Variants in COLEC10 observed in about 807,000 individuals in gnomAD.
COLEC10 encodes collectin subfamily member 10, also known as collectin-10.
A neutral mutation model predicts 28.4 loss-of-function variants in COLEC10; 22 were observed. The ratio of observed to expected loss-of-function variants is 0.78; its 90% CI spans 0.55 to 1.11. The LOEUF is 1.11. Ranked by LOEUF, COLEC10 falls within the 50% of genes least tolerant of loss-of-function variation. The pLI, the probability that COLEC10 is intolerant of heterozygous loss-of-function variation, is 0.00. For missense variants in COLEC10, 361 were observed against 344.1 expected (o/e 1.05, Z -0.39); for synonymous variants, 125 against 116.1 (o/e 1.08, Z -0.49).
At chr8:118,973,906 T>G in the COLEC10 span, among the ~76,000 whole-genome samples, 2 of 151,976 alleles carry the variant, frequency 1.3e-5, no homozygotes, top group Non-Finnish European at 2.9e-5. Flanking sequence ...CATCTCAACT[T>G]AAATTACTCT....
At chr8:119,064,800 T>TG (rs1372733874), upstream of COLEC10, among the ~76,000 whole-genome samples, 1 of 144,342 alleles carries the variant, frequency 6.9e-6, no homozygotes, top group Non-Finnish European at 1.5e-5. Flanking sequence ...TTGTATTTGA[T>TG]TTTTTTTTTT....
the COLEC10 span, among the ~76,000 whole-genome samples, chr8:118,962,670 G>C: frequency 6.6e-6 from 1 of 152,120 alleles, no homozygotes; most frequent in Non-Finnish European, 1.5e-5. Context: ...TGAATTTATA[G>C]TATTGTTAAT....
chr8:118,966,831 G>A, the COLEC10 span, among the ~76,000 whole-genome samples: 3 of 152,000 alleles, frequency 2.0e-5, no homozygotes, highest in Admixed American at 1.3e-4. Flanking sequence ...AAAAGGGGCC[G>A]CAAAGGATCA....
Position 119,107,401 on chromosome 8 carries a change from A to G in COLEC10, c.*1210A>G, listed in dbSNP as rs1815969358. Among the ~76,000 whole-genome samples the G allele has an allele frequency of 6.6e-6, 1 of 152,176 alleles. No individual in the cohort carries two copies. The highest frequency in any genetic ancestry group is 6.5e-5 in the Admixed American group (1 of 15,274). On this transcript the variant is annotated 3_prime_UTR_variant, in exon 6 of 6. Coordinates refer to ENST00000332843, the MANE Select transcript of COLEC10 (RefSeq NM_006438.5). ...AAACCTCAAAGCAGCTTTCACTTGG[A>G]ATTTAAAAATAAACAGTTCAAAGAT...
chr8:119,071,489 G>A (rs544888070), intron 1 of COLEC10, among the ~76,000 whole-genome samples: 206 of 152,172 alleles, frequency 1.4e-3, no homozygotes, highest in South Asian at 4.8e-3. Flanking sequence ...CCTCTGCCTG[G>A]CCCACACTTA....
chr8:118,992,999 T>G (rs1813528396), upstream of COLEC10, among the ~76,000 whole-genome samples: 1 of 152,188 alleles, frequency 6.6e-6, no homozygotes, highest in South Asian at 2.1e-4. Context: ...TACAATGGAA[T>G]GGGCCATAAT....
At chr8:119,061,795 A>G (rs1814861155) in intron 2 of COLEC10, among the ~76,000 whole-genome samples, 1 of 152,146 alleles carries the variant, frequency 6.6e-6, no homozygotes, top group Non-Finnish European at 1.5e-5. Context: ...TTGTGTAATA[A>G]TAATACCAAT....
chr8:118,984,030 T>C, the COLEC10 span, among the ~76,000 whole-genome samples: 4 of 147,916 alleles, frequency 2.7e-5, no homozygotes, highest in East Asian at 1.9e-4. Flanking sequence ...AAGACATGCA[T>C]AATGTATTAA....
At chr8:118,990,204 T>A in the COLEC10 span, among the ~76,000 whole-genome samples, 1 of 152,126 alleles carries the variant, frequency 6.6e-6, no homozygotes, top group African/African-American at 2.4e-5. Context: ...GTCACTGAGC[T>A]CAAAATATTT....
At position 119,092,252 on chromosome 8, in the gene COLEC10, G is replaced by C. The variant is rs544550524; in HGVS notation, c.292+1032G>C. 3.3e-5 allele frequency among the ~76,000 whole-genome samples: 5 copies of C among 151,960 alleles called. No individual in the cohort carries two copies. In the East Asian group the frequency reaches 9.7e-4, roughly 29 times the overall value. ...GCCCAGCTGATTTTTTGTATTTTTA[G>C]TAGAGACAGGGGTTTCTCTGTGCTA... is the stretch of plus-strand genomic sequence containing the variant. On this transcript the variant is annotated intron_variant, in intron 3 of 5. Coordinates refer to ENST00000332843, the MANE Select transcript of COLEC10 (RefSeq NM_006438.5).
chr8:119,045,277 T>A (rs976471338), intron 2 of COLEC10, among the ~76,000 whole-genome samples: 1 of 152,230 alleles, frequency 6.6e-6, no homozygotes, highest in African/African-American at 2.4e-5. Flanking sequence ...ATGTCACTTA[T>A]ATGTCTCATG....
chr8:119,103,567 A>G (rs933310743), intron 4 of COLEC10, among the ~76,000 whole-genome samples: 2 of 152,186 alleles, frequency 1.3e-5, no homozygotes, highest in Non-Finnish European at 2.9e-5. Context: ...TTAATAATCT[A>G]GTTTAGAATT....
the COLEC10 span, among the ~76,000 whole-genome samples, chr8:118,955,471 TTCAC>T: frequency 6.6e-6 from 1 of 152,214 alleles, no homozygotes; most frequent in African/African-American, 2.4e-5. Flanking sequence ...CTACTTATGG[TTCAC>T]TACTCACCTA....
intron 2 of COLEC10, among the ~76,000 whole-genome samples, chr8:119,056,034 G>A (rs989438815): frequency 2.4e-4 from 37 of 152,004 alleles, no homozygotes; most frequent in Non-Finnish European, 5.3e-4. Flanking sequence ...TGCATTCTTT[G>A]TTTCAGTAAA....
At chr8:119,039,911 T>C (rs541255330) in intron 2 of COLEC10, among the ~76,000 whole-genome samples, 1 of 152,152 alleles carries the variant, frequency 6.6e-6, no homozygotes, top group Non-Finnish European at 1.5e-5. Context: ...GGGAAGTAGA[T>C]TCAAGTTGCT....
At chr8:119,072,261 T>C (rs1815138851) in intron 1 of COLEC10, among the ~76,000 whole-genome samples, 1 of 152,118 alleles carries the variant, frequency 6.6e-6, no homozygotes, top group South Asian at 2.1e-4. Context: ...GCAAGATTGC[T>C]AGCACACATT....
rs762415988 is a variant in COLEC10, at chr8:119,105,987, C to T, written c.630C>T (p.Gly210=). The change falls in exon 6 of 6, where the codon GGC becomes GGT. Residue 210 remains glycine, a synonymous_variant. Coordinates refer to ENST00000332843, the MANE Select transcript of COLEC10 (RefSeq NM_006438.5). The stretch of plus-strand genomic sequence containing the variant: ...GTGGCTTCTTTCGGGTGTTCATTGG[C>T]GTGAATGACCTTGAAAGGGAGGGAC... ...AKSGFFRVFI[G]VNDLEREGQY... is the part of the protein sequence containing the mutation. 1.2e-5 allele frequency: 20 copies of T among 1,613,596 alleles called. No individual in the cohort carries two copies. Among genetic ancestry groups the T allele is most frequent in the African/African-American group, 5.3e-5 (4 of 74,814 alleles).
At chr8:119,005,559 A>G (rs536787040) in intron 1 of COLEC10, among the ~76,000 whole-genome samples, 4 of 152,244 alleles carry the variant, frequency 2.6e-5, no homozygotes, top group Admixed American at 2.0e-4. Context: ...TAGTTCAGAG[A>G]TGTTTTATGA....
At chr8:119,085,331 G>C (rs1815451598) in intron 1 of COLEC10, among the ~76,000 whole-genome samples, 1 of 152,122 alleles carries the variant, frequency 6.6e-6, no homozygotes, top group African/African-American at 2.4e-5. Context: ...AAGTGATGAG[G>C]TTGAGGTTGG....
Sources: gnomAD v4.1 joint callset for allele counts (sites outside exome capture counted in the v4.1 genomes callset) on GRCh38, gnomAD v4.1.1 for gene constraint, MANE v1.5 for transcripts, NCBI Gene and HGNC (gene_info 2026-07-23, HGNC 2026-07-21) for gene names.